SLC2A13: variants seen among roughly 807,000 people sequenced by gnomAD.
The protein encoded by SLC2A13 is solute carrier family 2 member 13.
Under a neutral mutation model 64.4 loss-of-function variants are expected in SLC2A13, and 32 were observed. The observed-to-expected ratio is 0.50, with a 90% CI of 0.37 to 0.67. The LOEUF (loss-of-function observed/expected upper bound fraction) is 0.67. Among genes scored for constraint, SLC2A13 ranks in the 30% least tolerant of loss-of-function variants. The probability of loss-of-function intolerance (pLI) is 0.00; values close to 1 mark genes in which losing one functional copy is unlikely to be tolerated. For missense variants in SLC2A13, 743 were observed against 829.2 expected (o/e 0.90, Z 1.28); for synonymous variants, 338 against 327.1 (o/e 1.03, Z -0.36).
chr12:39,843,137 A>G (rs1473135198), intron 6 of SLC2A13, among the ~76,000 whole-genome samples: 2 of 152,034 alleles, frequency 1.3e-5, no homozygotes, highest in African/African-American at 4.8e-5. Flanking sequence ...TATATGCCCA[A>G]GGGTGGAATT....
At chr12:40,076,554 T>G (rs11175063) in intron 1 of SLC2A13, among the ~76,000 whole-genome samples, 2 of 152,318 alleles carry the variant, frequency 1.3e-5, no homozygotes, top group African/African-American at 4.8e-5. Context: ...CAGTCCACCA[T>G]TGATGAACAT....
At chr12:40,048,798 A>T (rs1177107619) in intron 1 of SLC2A13, among the ~76,000 whole-genome samples, 5 of 152,142 alleles carry the variant, frequency 3.3e-5, no homozygotes, top group Non-Finnish European at 5.9e-5. Context: ...ATTTTTTTCT[A>T]TCTGAAATTA....
At chr12:40,085,739 T>C (rs1318875575) in intron 1 of SLC2A13, among the ~76,000 whole-genome samples, 1 of 152,210 alleles carries the variant, frequency 6.6e-6, no homozygotes, top group Non-Finnish European at 1.5e-5. Context: ...GAACTTTACA[T>C]ATAACTTGTA....
intron 3 of SLC2A13, among the ~76,000 whole-genome samples, chr12:40,019,229 C>T (rs1273079081): frequency 6.6e-6 from 1 of 152,204 alleles, no homozygotes; most frequent in African/African-American, 2.4e-5. Context: ...ATTTTGCCAA[C>T]TGATTTTGAA....
At chr12:39,997,101 A>C (rs1947244073) in intron 3 of SLC2A13, among the ~76,000 whole-genome samples, 1 of 152,200 alleles carries the variant, frequency 6.6e-6, no homozygotes, top group South Asian at 2.1e-4. Context: ...AAAAAGAATA[A>C]ATCTGGAGGC....
intron 4 of SLC2A13, among the ~76,000 whole-genome samples, chr12:39,937,702 C>T (rs1046768275): frequency 1.3e-5 from 2 of 152,164 alleles, no homozygotes; most frequent in African/African-American, 4.8e-5. Context: ...TACCACAGAA[C>T]CTTAAATTCA....
In SLC2A13 at chr12:39,855,779, T is replaced by G. The variant is rs541917146; in HGVS notation, c.1319+8983A>C. On this transcript the variant is annotated intron_variant, in intron 6 of 9. Coordinates refer to ENST00000280871, the MANE Select transcript of SLC2A13 (RefSeq NM_052885.4). ...ACCAGGTTGTTCAGGATACATTATT[T>G]CATTGTTCTAGTCTTCTAATTTAAT... 1.5e-4 allele frequency among the ~76,000 whole-genome samples: 23 copies of G among 152,372 alleles called. No individual in the cohort carries two copies. The South Asian group carries it at 3.5e-3, about 23-fold the overall frequency.
At chr12:39,925,042 T>A (rs1252497545) in intron 4 of SLC2A13, among the ~76,000 whole-genome samples, 2 of 148,356 alleles carry the variant, frequency 1.3e-5, no homozygotes, top group African/African-American at 4.9e-5. Flanking sequence ...TTTTTTTTTT[T>A]TTTTTTTTTT....
chr12:40,067,194 T>C (rs1309568035), intron 1 of SLC2A13, among the ~76,000 whole-genome samples: 1 of 152,128 alleles, frequency 6.6e-6, no homozygotes, highest in Non-Finnish European at 1.5e-5. Context: ...TAGTTTACTA[T>C]ATAAATTCTT....
At chr12:39,772,019 G>A (rs1414499583) in intron 7 of SLC2A13, among the ~76,000 whole-genome samples, 1 of 152,020 alleles carries the variant, frequency 6.6e-6, no homozygotes, top group Non-Finnish European at 1.5e-5. Context: ...AGGCCTGTGT[G>A]GATGCTACCC....
chr12:40,030,519 G>A (rs148365004), intron 2 of SLC2A13, among the ~76,000 whole-genome samples: 5 of 151,856 alleles, frequency 3.3e-5, no homozygotes, highest in African/African-American at 1.2e-4. Flanking sequence ...AAGCCTTTAT[G>A]TTTCATTTAT....
intron 5 of SLC2A13, 78 bp downstream of exon 5, chr12:39,871,720 G>A (rs1003380570): frequency 2.2e-6 from 3 of 1,391,244 alleles, no homozygotes; most frequent in African/African-American, 1.5e-5. Flanking sequence ...AGTGGTGTAA[G>A]TATTGTATTT....
chr12:39,928,126 G>A (rs1945759607), intron 4 of SLC2A13, among the ~76,000 whole-genome samples: 1 of 151,996 alleles, frequency 6.6e-6, no homozygotes, highest in South Asian at 2.1e-4. Context: ...TTTGAAAAGG[G>A]AAAAATGTTT....
At chr12:39,798,602 G>T (rs1043595192) in intron 7 of SLC2A13, among the ~76,000 whole-genome samples, 14 of 152,138 alleles carry the variant, frequency 9.2e-5, no homozygotes, top group African/African-American at 3.1e-4. Context: ...TCCTGAGCAG[G>T]CCCTCCAGCT....
chr12:39,780,061 A>T (rs190590689), intron 7 of SLC2A13, among the ~76,000 whole-genome samples: 57 of 152,340 alleles, frequency 3.7e-4, no homozygotes, highest in Admixed American at 5.9e-4. Flanking sequence ...AATGTCCTTG[A>T]GTAGATGTAA....
intron 6 of SLC2A13, 99 bp from the exon 7 acceptor site, chr12:39,830,327 G>A: frequency 6.6e-7 from 1 of 1,506,798 alleles, no homozygotes; most frequent in Non-Finnish European, 8.8e-7. Flanking sequence ...ACTCTCTTGT[G>A]CAGTAAGCTT....
intron 7 of SLC2A13, among the ~76,000 whole-genome samples, chr12:39,779,536 C>CA: frequency 6.6e-6 from 1 of 152,290 alleles, no homozygotes; most frequent in Admixed American, 6.5e-5. Flanking sequence ...TACACATAGT[C>CA]AATAGCTCAA....
chr12:39,793,048 A>C (rs1163655907), intron 7 of SLC2A13, among the ~76,000 whole-genome samples: 1 of 152,156 alleles, frequency 6.6e-6, no homozygotes, highest in African/African-American at 2.4e-5. Flanking sequence ...ATATAAAACT[A>C]TATTGTCTAT....
At chr12:39,770,276 TA>T (rs1053111297) in intron 7 of SLC2A13, among the ~76,000 whole-genome samples, 3 of 152,102 alleles carry the variant, frequency 2.0e-5, no homozygotes, top group African/African-American at 7.2e-5. Flanking sequence ...TGATGGAATT[TA>T]GGTACCTAAG....
Sources: gnomAD v4.1 joint callset for allele counts (sites outside exome capture counted in the v4.1 genomes callset) on GRCh38, gnomAD v4.1.1 for gene constraint, MANE v1.5 for transcripts, NCBI Gene and HGNC (gene_info 2026-07-23, HGNC 2026-07-21) for gene names.